The following OSBPL6 variants were observed in gnomAD, a reference collection of about 807,000 sequenced individuals.
OSBPL6 encodes the protein oxysterol-binding protein-related protein 6.
OSBPL6 carries 49 observed loss-of-function variants against 125.8 expected under a neutral mutation model. The observed-to-expected ratio is 0.39, with a 90% CI of 0.31 to 0.49. The LOEUF (loss-of-function observed/expected upper bound fraction) is 0.49, where lower values mean the gene tolerates loss of function less well. OSBPL6 is among the 20% of genes least tolerant of loss of function. The pLI is 0.88. For synonymous variants in OSBPL6, 394 were observed against 391.8 expected, an observed-to-expected ratio of 1.01 and a Z score of -0.07; for missense variants, 986 against 1,135.4, an observed-to-expected ratio of 0.87 and a Z score of 1.89.
chr2:178,206,470 A>G (rs1381332542), intron 1 of OSBPL6, among the ~76,000 whole-genome samples: 1 of 152,238 alleles, frequency 6.6e-6, no homozygotes, highest in Admixed American at 6.5e-5. Context: ...TGATATCATT[A>G]TCCAGCCTTT....
At position 178,399,982 on chromosome 2, in the gene OSBPL6, T is replaced by C. The variant is rs981672284; in HGVS notation, c.*4423T>C. The C allele has an allele frequency of 6.6e-6, 1 of 152,226 alleles. No individual in the cohort carries two copies. The highest frequency in any genetic ancestry group is 2.4e-5 in the African/African-American group (1 of 41,468). The allele number at this position is 152,226 out of a possible 1,614,324, so 9.4% of individuals were successfully genotyped here. ...TGTTCTTATTTTCTGCAATTTTTTT[T>C]TCTAGCCATTCCTTCCTCCCAAATA... On this transcript the variant is annotated 3_prime_UTR_variant, in exon 25 of 25. Transcript: ENST00000190611.
intron 1 of OSBPL6, among the ~76,000 whole-genome samples, chr2:178,283,293 T>A (rs923449206): frequency 2.0e-5 from 3 of 152,084 alleles, no homozygotes; most frequent in African/African-American, 7.2e-5. Flanking sequence ...TGGCCAAACA[T>A]AAATCTTCTG....
chr2:178,253,600 T>G (rs567049154), intron 1 of OSBPL6, among the ~76,000 whole-genome samples: 2 of 152,312 alleles, frequency 1.3e-5, no homozygotes, highest in African/African-American at 4.8e-5. Flanking sequence ...TTATGCTCAT[T>G]CTCATATTTT....
At chr2:178,305,958 T>A (rs1686726062) in intron 2 of OSBPL6, 72 bp from the exon 3 acceptor site, 2 of 348,746 alleles carry the variant, frequency 5.7e-6, no homozygotes, top group African/African-American at 4.2e-5. Context: ...CAAATTAATA[T>A]TTCATCCTAA....
At chr2:178,201,717 G>C (rs2089268357) in intron 1 of OSBPL6, among the ~76,000 whole-genome samples, 2 of 152,194 alleles carry the variant, frequency 1.3e-5, no homozygotes, top group Non-Finnish European at 2.9e-5. Flanking sequence ...CACATGCCTA[G>C]ATACTAAATC....
At chr2:178,295,401 T>C (rs1439464458) in intron 2 of OSBPL6, among the ~76,000 whole-genome samples, 1 of 152,156 alleles carries the variant, frequency 6.6e-6, no homozygotes, top group Non-Finnish European at 1.5e-5. Flanking sequence ...ATAAATAAAG[T>C]TTTATTGGAA....
intron 15 of OSBPL6, among the ~76,000 whole-genome samples, chr2:178,381,583 C>T (rs1694481495): frequency 6.6e-6 from 1 of 151,968 alleles, no homozygotes; most frequent in African/African-American, 2.4e-5. Flanking sequence ...TCGATCTCCT[C>T]ACCTTGTGAT....
rs1013696337 is a variant in OSBPL6, at chr2:178,396,353, G to A, written c.*794G>A. 7.9e-5 allele frequency: 12 copies of A among 152,494 alleles called. No homozygotes were observed. The highest frequency in any genetic ancestry group is 3.4e-3 in the Middle Eastern group (1 of 294). The allele number at this position is 152,494 out of a possible 1,614,324, so 9.4% of individuals were successfully genotyped here. A position where few individuals can be genotyped will look rare whatever the true frequency, so the allele number is the denominator to read the frequency against. On this transcript the variant is annotated 3_prime_UTR_variant, in exon 25 of 25. Transcript: ENST00000190611. ...GTGCTAAGTAGATCTCTGTATTTAC[G>A]TGGCTCGTTAATTTCCTGTCCTGCG...
At chr2:178,294,129 A>G (rs1194400000) in intron 2 of OSBPL6, among the ~76,000 whole-genome samples, 1 of 152,160 alleles carries the variant, frequency 6.6e-6, no homozygotes, top group Non-Finnish European at 1.5e-5. Context: ...AGCAGTCACC[A>G]TGTGCACATT....
At chr2:178,362,265 A>G (rs1323416522) in intron 13 of OSBPL6, among the ~76,000 whole-genome samples, 2 of 152,160 alleles carry the variant, frequency 1.3e-5, no homozygotes, top group African/African-American at 4.8e-5. Flanking sequence ...ACTGATTACT[A>G]TCACTCATTT....
At chr2:178,278,707 AAACTATATTC>A (rs1279251554) in intron 1 of OSBPL6, among the ~76,000 whole-genome samples, 6 of 152,344 alleles carry the variant, frequency 3.9e-5, no homozygotes, top group Middle Eastern at 3.4e-3. Context: ...TGTGGCACTT[AAACTATATTC>A]TCCAGAGACT....
chr2:178,384,189 G>T lies in OSBPL6; in HGVS notation c.2013+13G>T, dbSNP rs1252829342. 1 of 1,610,818 alleles carries T rather than the reference G, an allele frequency of 6.2e-7. No individual in the cohort carries two copies. On this transcript the variant is annotated intron_variant, in intron 18 of 24. Transcript: ENST00000190611. ...TTTCTCAGAACAGGTAAGCGCCACT[G>T]GACTCAGTGAGGTTTCTATATAGGT...
chr2:178,378,467 T>C (rs980863279), intron 15 of OSBPL6, among the ~76,000 whole-genome samples: 1 of 152,254 alleles, frequency 6.6e-6, no homozygotes, highest in Non-Finnish European at 1.5e-5. Context: ...TGCACTTTAC[T>C]GAATGAATCC....
At chr2:178,258,485 A>G (rs78998832) in intron 1 of OSBPL6, among the ~76,000 whole-genome samples, 4,254 of 152,180 alleles carry the variant, frequency 0.028, 189 homozygotes, top group African/African-American at 0.096. Context: ...TGTACCCATC[A>G]CTCAGCCACG....
chr2:178,380,050 C>T (rs528656960), intron 15 of OSBPL6, among the ~76,000 whole-genome samples: 3 of 152,140 alleles, frequency 2.0e-5, no homozygotes, highest in Non-Finnish European at 4.4e-5. Flanking sequence ...TTGGCATAAA[C>T]AAAGTTTAAA....
intron 3 of OSBPL6, chr2:178,320,137 C>T (rs1688109471): frequency 4.5e-6 from 4 of 898,254 alleles, no homozygotes; most frequent in Non-Finnish European, 4.7e-6. Context: ...CGTTTCTCTC[C>T]GCGTGAGTTG....
rs1574747089 is a variant in OSBPL6, at chr2:178,285,117, G to A, written c.-160G>A. ...ACTTGGAAGACTTTGACTCCAAGGT[G>A]CAAGGTGAGTTAGAAGAACACAAGC... On this transcript the variant is annotated 5_prime_UTR_variant, in exon 2 of 25. Transcript: ENST00000190611. 2.5e-6 allele frequency: 1 copy of A among 398,476 alleles called. No homozygotes were observed. Among genetic ancestry groups the A allele is most frequent in the Non-Finnish European group, 4.4e-6 (1 of 225,950 alleles). The allele number at this position is 398,476 out of a possible 1,614,324, so 24.7% of individuals were successfully genotyped here.
At chr2:178,222,027 G>T (rs2090362287) in intron 1 of OSBPL6, among the ~76,000 whole-genome samples, 2 of 152,224 alleles carry the variant, frequency 1.3e-5, no homozygotes, top group Middle Eastern at 3.4e-3. Context: ...TATGCATTGG[G>T]AATGGAGAGG....
At chr2:178,302,699 T>C (rs1488559356) in intron 2 of OSBPL6, among the ~76,000 whole-genome samples, 1 of 152,220 alleles carries the variant, frequency 6.6e-6, no homozygotes, top group Non-Finnish European at 1.5e-5. Context: ...ATTCAACATA[T>C]TTAAACTGTA....
Sources: gnomAD v4.1 joint callset for allele counts (sites outside exome capture counted in the v4.1 genomes callset) on GRCh38, gnomAD v4.1.1 for gene constraint, MANE v1.5 for transcripts, NCBI Gene and HGNC (gene_info 2026-07-23, HGNC 2026-07-21) for gene names.